The following FYB2 variants were observed in gnomAD, a reference collection of about 807,000 sequenced individuals.
FYB2 encodes FYN binding protein 2, also known as FYN-binding protein 2.
In FYB2, 103 loss-of-function variants were observed where a neutral mutation model predicts 94.1. The observed-to-expected ratio is 1.09, with a 90% CI of 0.93 to 1.29. The LOEUF (loss-of-function observed/expected upper bound fraction) is 1.29, where lower values mean the gene tolerates loss of function less well. FYB2 is among the 50% of genes most tolerant of loss of function. The probability of loss-of-function intolerance (pLI) is 0.00; values close to 1 mark genes in which losing one functional copy is unlikely to be tolerated. For missense variants in FYB2, 896 were observed against 841.5 expected, an observed-to-expected ratio of 1.06 and a Z score of -0.80; for synonymous variants, 293 against 287.9, an observed-to-expected ratio of 1.02 and a Z score of -0.18.
At chr1:56,791,955 C>A in intron 2 of FYB2, 101 bp downstream of exon 2, 1 of 1,439,982 alleles carries the variant, frequency 6.9e-7, no homozygotes, top group Non-Finnish European at 9.2e-7. Context: ...AGCCACATTT[C>A]CCAGGTCATA....
At chr1:56,745,998 G>A (rs1645058788) in intron 9 of FYB2, among the ~76,000 whole-genome samples, 1 of 151,934 alleles carries the variant, frequency 6.6e-6, no homozygotes, top group South Asian at 2.1e-4. Flanking sequence ...ACTACTTGAG[G>A]TTTTTGAAGT....
At chr1:56,759,234 A>G (rs989812562) in intron 5 of FYB2, among the ~76,000 whole-genome samples, 6 of 152,198 alleles carry the variant, frequency 3.9e-5, no homozygotes, top group African/African-American at 9.6e-5. Flanking sequence ...GACTTTTCCA[A>G]TAGTTCTGTG....
intron 15 of FYB2, among the ~76,000 whole-genome samples, chr1:56,728,347 T>C (rs1304972036): frequency 6.6e-6 from 1 of 152,124 alleles, no homozygotes; most frequent in Admixed American, 6.6e-5. Flanking sequence ...CCAGGTTATC[T>C]TGCACATTTT....
At chr1:56,771,864 C>T (rs1645764278) in intron 4 of FYB2, among the ~76,000 whole-genome samples, 1 of 152,084 alleles carries the variant, frequency 6.6e-6, no homozygotes, top group Non-Finnish European at 1.5e-5. Context: ...ATCATAAGCA[C>T]ATTCCACCCA....
chr1:56,763,078 C>A (rs79254578), intron 5 of FYB2, among the ~76,000 whole-genome samples: 2,138 of 152,132 alleles, frequency 0.014, 23 homozygotes, highest in Non-Finnish European at 0.02. Context: ...ATCTCTGCAC[C>A]CTTATATACC....
At chr1:56,815,477 C>A (rs902895510) in intron 1 of FYB2, among the ~76,000 whole-genome samples, 2 of 152,130 alleles carry the variant, frequency 1.3e-5, no homozygotes, top group African/African-American at 4.8e-5. Context: ...TAGGATAGGG[C>A]CCTTCTCAGA....
chr1:56,740,800 G>A lies in FYB2; in HGVS notation c.1605-5C>T, dbSNP rs746648385. 2 of 1,572,196 alleles carry A rather than the reference G, an allele frequency of 1.3e-6. No individual in the cohort carries two copies. Among genetic ancestry groups the A allele is most frequent in the South Asian group, 2.3e-5 (2 of 88,458 alleles). Reference sequence around the variant, plus strand: ...AGTGCTTCTTTTCCATCTAAACTGAGAGGAATCACAGGATATAAGTAACAT... The same window carrying A: ...AGTGCTTCTTTTCCATCTAAACTGAAAGGAATCACAGGATATAAGTAACAT... On this transcript the variant is annotated splice_region_variant and splice_polypyrimidine_tract_variant and intron_variant, in intron 12 of 19. Coordinates refer to ENST00000343433, the MANE Select transcript of FYB2 (RefSeq NM_001004303.5).
At chr1:56,785,006 C>T (rs911927387) in intron 4 of FYB2, among the ~76,000 whole-genome samples, 1 of 152,194 alleles carries the variant, frequency 6.6e-6, no homozygotes, top group Non-Finnish European at 1.5e-5. Flanking sequence ...TCTTTCAGCG[C>T]TATGGCCCAC....
chr1:56,811,897 G>A (rs759297734), intron 1 of FYB2, among the ~76,000 whole-genome samples: 2 of 151,626 alleles, frequency 1.3e-5, no homozygotes, highest in Non-Finnish European at 2.9e-5. Context: ...TTTCTACATC[G>A]ACTTTTCAGT....
chr1:56,819,306 C>T lies in FYB2; in HGVS notation c.-16G>A. 6.2e-7 allele frequency: 1 copy of T among 1,614,202 alleles called. No homozygotes were observed. Among genetic ancestry groups the T allele is most frequent in the South Asian group, 1.1e-5 (1 of 91,088 alleles). On this transcript the variant is annotated 5_prime_UTR_variant, in exon 1 of 20. Coordinates refer to ENST00000343433, the MANE Select transcript of FYB2 (RefSeq NM_001004303.5). The stretch of plus-strand genomic sequence containing the variant: ...CCCCTTCCATTGCTTTCCTCCAAGG[C>T]AGAGTCAGGGAAACAAGCCCAGCCT...
At chr1:56,777,323 G>C (rs866952592) in intron 4 of FYB2, among the ~76,000 whole-genome samples, 2 of 149,866 alleles carry the variant, frequency 1.3e-5, no homozygotes, top group Non-Finnish European at 1.5e-5. Flanking sequence ...GGATCACACA[G>C]CTAGTGTGTG....
intron 15 of FYB2, among the ~76,000 whole-genome samples, chr1:56,728,098 A>G (rs1644621979): frequency 6.6e-6 from 1 of 152,108 alleles, no homozygotes; most frequent in South Asian, 2.1e-4. Context: ...GCCAAATTAC[A>G]TTTCCTGTTT....
chr1:56,762,901 A>T (rs1466267230), intron 5 of FYB2, among the ~76,000 whole-genome samples: 1 of 152,196 alleles, frequency 6.6e-6, no homozygotes, highest in Non-Finnish European at 1.5e-5. Context: ...AATCAAGTTG[A>T]GGAAGACAAT....
At chr1:56,734,354 G>A (rs544888382) in intron 15 of FYB2, among the ~76,000 whole-genome samples, 3 of 152,062 alleles carry the variant, frequency 2.0e-5, no homozygotes, top group South Asian at 4.2e-4. Context: ...GATGGGTCTT[G>A]ACTCTCTATC....
At chr1:56,758,475 C>T (rs1302859731) in intron 6 of FYB2, among the ~76,000 whole-genome samples, 2 of 152,254 alleles carry the variant, frequency 1.3e-5, no homozygotes, top group Non-Finnish European at 2.9e-5. Context: ...TCACTGCCCA[C>T]CACAGAAAAG....
chr1:56,758,807 C>T, intron 5 of FYB2, 57 bp from the exon 6 acceptor site: 1 of 1,318,444 alleles, frequency 7.6e-7, no homozygotes, highest in East Asian at 2.4e-5. Flanking sequence ...TTTCTTATAG[C>T]ACCCAGGATT....
rs191494032 is a variant in FYB2 at position 56,750,266 on chromosome 1, G to A, written c.1387+778C>T. ...TTATATGCATTGACAAATAGCCTTA[G>A]GAAATTAGTAGTAGTATCACCATTT... On this transcript the variant is annotated intron_variant, in intron 9 of 19. Coordinates refer to ENST00000343433, the MANE Select transcript of FYB2 (RefSeq NM_001004303.5). Among the ~76,000 whole-genome samples the A allele has an allele frequency of 7.9e-5, 12 of 152,136 alleles. No individual in the cohort carries two copies. In the East Asian group the frequency reaches 2.1e-3, roughly 27 times the overall value.
At chr1:56,768,006 T>C in intron 4 of FYB2, 68 bp from the exon 5 acceptor site, 1 of 1,259,670 alleles carries the variant, frequency 7.9e-7, no homozygotes, top group South Asian at 1.4e-5. Context: ...TTTTGTATTT[T>C]TTCCTCATTA....
Position 56,740,677 on chromosome 1 carries a change from G to T in FYB2, c.1703+20C>A, listed in dbSNP as rs371592448. On this transcript the variant is annotated intron_variant, in intron 13 of 19. Transcript: ENST00000343433. ...CCAGGTTAATCCCCTCGTGGAAAGG[G>T]ATTTAAAGGGACTTTTTACCTTAAG... 6.9e-7 allele frequency: 1 copy of T among 1,457,430 alleles called. No homozygotes were observed. The highest frequency in any genetic ancestry group is 9.5e-7 in the Non-Finnish European group (1 of 1,047,558). The allele number at this position is 1,457,430 out of a possible 1,614,324, so 90.3% of individuals were successfully genotyped here. A position where few individuals can be genotyped will look rare whatever the true frequency, so the allele number is the denominator to read the frequency against.
Sources: allele counts gnomAD v4.1 joint callset (sites outside exome capture counted in the v4.1 genomes callset), GRCh38; gene constraint gnomAD v4.1.1; transcripts MANE v1.5; gene names NCBI Gene and HGNC (gene_info 2026-07-23, HGNC 2026-07-21).